FLT3: variants seen among roughly 807,000 people sequenced by gnomAD.
FLT3 encodes the protein receptor-type tyrosine-protein kinase FLT3.
A neutral mutation model predicts 126.6 loss-of-function variants in FLT3; 46 were observed. The observed-to-expected ratio is 0.36, with a 90% confidence interval of 0.29 to 0.46. The LOEUF is 0.46. FLT3 is among the 20% of genes least tolerant of loss of function. The pLI, the probability that FLT3 is intolerant of heterozygous loss-of-function variation, is 1.00. For synonymous variants in FLT3, 404 were observed against 434.4 expected (o/e 0.93, Z 0.87); for missense variants, 1,069 against 1,190.3 (o/e 0.90, Z 1.50).
At chr13:28,073,050 G>A (rs1404978258) in intron 1 of FLT3, among the ~76,000 whole-genome samples, 1 of 151,004 alleles carries the variant, frequency 6.6e-6, no homozygotes, top group African/African-American at 2.4e-5. Context: ...CTCTTTAAAA[G>A]CATTTTTTGG....
Position 28,052,566 on chromosome 13 carries a change from A to T in FLT3, c.593T>A (p.Leu198His), listed in dbSNP as rs1244282842. 6.2e-7 allele frequency: 1 copy of T among 1,613,446 alleles called. No individual in the cohort carries two copies. Among genetic ancestry groups the T allele is most frequent in the South Asian group, 1.1e-5 (1 of 90,976 alleles). The change falls in exon 5 of 24, where the codon CTT becomes CAT. Residue 198 changes from leucine (L) to histidine (H), a missense_variant. Leu to His is a moderately conservative substitution (Grantham distance 99). Coordinates refer to ENST00000241453, the MANE Select transcript of FLT3 (RefSeq NM_004119.3). ...ATACCTTTCCCCCTGTGAATCGCAA[A>T]GCACCCATTCCACGATCGGCTCTGG... ...SVPEPIVEWV[L>H]CDSQGESCKE...
Position 28,023,477 on chromosome 13 carries a change from T to A in FLT3, c.2291A>T (p.Asp764Val). 1 of 1,613,672 alleles carries A rather than the reference T, an allele frequency of 6.2e-7. No individual in the cohort carries two copies. Among genetic ancestry groups the A allele is most frequent in the South Asian group, 1.1e-5 (1 of 90,922 alleles). ...TTTTTGGTTTTCATATTCAATTTCA[T>A]CTGTAAAATAGAGCCAGTCTTCACT... is the stretch of plus-strand genomic sequence containing the variant. Reference protein sequence around the residue: ...GLHGNSFHSEDEIEYENQKRL... With the variant: ...GLHGNSFHSEVEIEYENQKRL... The change falls in exon 19 of 24, where the codon GAT (aspartate) becomes GTT (valine). Residue 764 changes from aspartate to valine, a missense_variant and splice_region_variant. Physicochemically the swap from Asp to Val is radical, Grantham distance 152 (BLOSUM62 -3). Coordinates refer to ENST00000241453, the MANE Select transcript of FLT3 (RefSeq NM_004119.3).
At chr13:28,012,618 A>G (rs1458149743) in intron 23 of FLT3, among the ~76,000 whole-genome samples, 2 of 151,972 alleles carry the variant, frequency 1.3e-5, no homozygotes, top group Non-Finnish European at 2.9e-5. Flanking sequence ...TCCACACCCA[A>G]CTATGCAATG....
At chr13:28,055,152 T>A (rs555464308) in intron 4 of FLT3, among the ~76,000 whole-genome samples, 1 of 152,230 alleles carries the variant, frequency 6.6e-6, no homozygotes, top group Non-Finnish European at 1.5e-5. Flanking sequence ...TGATTCCATA[T>A]GAAAATCTTT....
chr13:28,004,294 G>A (rs1870692896), intron 23 of FLT3, 120 bp from the exon 24 acceptor site: 2 of 1,086,194 alleles, frequency 1.8e-6, no homozygotes, highest in South Asian at 3.1e-5. Context: ...TTACTTTTTT[G>A]TTTGTTTGTT....
chr13:28,052,449 C>T (rs1353100131), intron 5 of FLT3, 96 bp downstream of exon 5: 2 of 1,270,152 alleles, frequency 1.6e-6, no homozygotes, highest in Admixed American at 4.4e-5. Flanking sequence ...TTTAAATGAG[C>T]ATAAATTAAA....
chr13:28,057,424 G>A lies in FLT3; in HGVS notation c.407C>T (p.Thr136Ile). The change falls in exon 4 of 24, where the codon ACC becomes ATC. Residue 136 changes from threonine (T) to isoleucine (I), a missense_variant. Physicochemically the swap from Thr to Ile is moderately conservative, Grantham distance 89. Transcript: ENST00000241453. ...VSMVILKMTE[T>I]QAGEYLLFIQ... Reference sequence around the variant, plus strand: ...AAAAAGTAGGTATTCTCCAGCTTGGGTTTCTGTCATTTTCAAAATGACCAT... The same window carrying A: ...AAAAAGTAGGTATTCTCCAGCTTGGATTTCTGTCATTTTCAAAATGACCAT... 6.3e-7 allele frequency: 1 copy of A among 1,581,258 alleles called. No homozygotes were observed. Among genetic ancestry groups the A allele is most frequent in the Non-Finnish European group, 8.7e-7 (1 of 1,150,142 alleles).
rs74753866 is a variant in FLT3 at position 28,027,036 on chromosome 13, T to C, written c.2207+52A>G. 3.3e-3 allele frequency: 5,100 copies of C among 1,531,682 alleles called. 156 individuals carry two copies. The African/African-American group carries it at 0.056, about 17-fold the overall frequency. The allele number at this position is 1,531,682 out of a possible 1,614,324, so 94.9% of individuals were successfully genotyped here. On this transcript the variant is annotated intron_variant, in intron 17 of 23. Coordinates refer to ENST00000241453, the MANE Select transcript of FLT3 (RefSeq NM_004119.3). ...AACGAAGTGTGTTTGAACAGCACAC[T>C]TTGCCTACGTTCTATGATGTGTAAT...
Position 28,048,350 on chromosome 13 carries a change from G to A in FLT3, c.1130C>T (p.Pro377Leu). Residue 377 changes from proline (P) to leucine (L), a missense_variant, in exon 9 of 24, where the codon CCA becomes CTA. Transcript: ENST00000241453. ...GAAGGTCCACGTACATCTGATTTGT[G>A]GGTAGGCTTTAAACCTGACAGAAAA... ...FCFSVRFKAYPQIRCTWTFSR... is the reference protein window; with the variant it reads ...FCFSVRFKAYLQIRCTWTFSR... The A allele has an allele frequency of 6.2e-7, 1 of 1,613,578 alleles. No individual in the cohort carries two copies. Among genetic ancestry groups the A allele is most frequent in the Non-Finnish European group, 8.5e-7 (1 of 1,179,574 alleles).
At chr13:28,023,310 A>G in intron 19 of FLT3, 40 bp downstream of exon 19, 1 of 1,581,494 alleles carries the variant, frequency 6.3e-7, no homozygotes, top group Non-Finnish European at 8.6e-7. Context: ...ATCTTTTCAA[A>G]TCTTTTTTTT....
intron 2 of FLT3, among the ~76,000 whole-genome samples, chr13:28,068,613 T>A (rs1015355156): frequency 5.3e-5 from 8 of 152,204 alleles, no homozygotes; most frequent in African/African-American, 1.9e-4. Context: ...CAAGGCAGGC[T>A]GGAGGGCAGT....
intron 23 of FLT3, among the ~76,000 whole-genome samples, chr13:28,004,839 T>G (rs1226625969): frequency 6.6e-6 from 1 of 152,140 alleles, no homozygotes; most frequent in Admixed American, 6.6e-5. Context: ...CCTAAAACCA[T>G]GCAGAAAAAT....
At chr13:28,014,773 G>A (rs975408931) in intron 22 of FLT3, among the ~76,000 whole-genome samples, 3 of 152,186 alleles carry the variant, frequency 2.0e-5, no homozygotes, top group Non-Finnish European at 4.4e-5. Context: ...GTAGTGGATA[G>A]AATCGAATGA....
At chr13:28,022,465 T>C (rs983770974) in intron 19 of FLT3, among the ~76,000 whole-genome samples, 2 of 151,832 alleles carry the variant, frequency 1.3e-5, no homozygotes, top group African/African-American at 4.8e-5. Flanking sequence ...TGAGCCAAGA[T>C]CACGCCACTG....
intron 2 of FLT3, among the ~76,000 whole-genome samples, chr13:28,063,192 T>C (rs1411071621): frequency 3.9e-5 from 6 of 152,102 alleles, no homozygotes; most frequent in East Asian, 1.9e-4. Flanking sequence ...AATTGAGATA[T>C]ATGAGGCCAG....
intron 1 of FLT3, among the ~76,000 whole-genome samples, chr13:28,088,311 G>A (rs1409971304): frequency 2.7e-5 from 4 of 150,638 alleles, no homozygotes; most frequent in South Asian, 2.1e-4. Flanking sequence ...TTTTTAAGAC[G>A]GAGTCTCACT....
intron 3 of FLT3, among the ~76,000 whole-genome samples, chr13:28,060,238 T>C (rs958317830): frequency 5.9e-5 from 2 of 34,014 alleles, no homozygotes; most frequent in Non-Finnish European, 6.3e-5. Flanking sequence ...CTACTAAAAA[T>C]ACAAAAAAAA....
At chr13:28,071,257 G>T (rs918141224) in intron 1 of FLT3, among the ~76,000 whole-genome samples, 1 of 151,344 alleles carries the variant, frequency 6.6e-6, no homozygotes, top group East Asian at 1.9e-4. Context: ...TGATCCACCC[G>T]CCTCTGCCTC....
chr13:28,036,793 C>T (rs1181854530), intron 10 of FLT3, among the ~76,000 whole-genome samples: 1 of 152,236 alleles, frequency 6.6e-6, no homozygotes, highest in East Asian at 1.9e-4. Flanking sequence ...ACCTGGGCAA[C>T]AAAGGGAGGC....
Sources: allele counts gnomAD v4.1 joint callset (sites outside exome capture counted in the v4.1 genomes callset), GRCh38; gene constraint gnomAD v4.1.1; transcripts MANE v1.5; gene names NCBI Gene and HGNC (gene_info 2026-07-23, HGNC 2026-07-21).